Variants in MYH11 observed in about 807,000 individuals in gnomAD.
The protein encoded by MYH11 is myosin-11.
In MYH11, 80 loss-of-function variants were observed where a neutral mutation model predicts 246.6. The ratio of observed to expected loss-of-function variants is 0.32; its 90% CI spans 0.27 to 0.39. MYH11 has a LOEUF of 0.39. Ranked by LOEUF, MYH11 falls within the 10% of genes least tolerant of loss-of-function variation. The pLI is 1.00. For synonymous variants in MYH11, 1,071 were observed against 1,015.5 expected (o/e 1.05, Z -1.04); for missense variants, 2,158 against 2,546.8 (o/e 0.85, Z 3.29).
chr16:15,829,250 C>T (rs991405699), intron 2 of MYH11, among the ~76,000 whole-genome samples: 1 of 152,072 alleles, frequency 6.6e-6, no homozygotes, highest in Non-Finnish European at 1.5e-5. Context: ...TTTTCAACTC[C>T]ATCACTAGCT....
intron 3 of MYH11, among the ~76,000 whole-genome samples, chr16:15,821,438 T>C (rs1323739973): frequency 6.6e-6 from 1 of 152,216 alleles, no homozygotes; most frequent in Non-Finnish European, 1.5e-5. Flanking sequence ...CTTAAATATA[T>C]GTTTAAGTTT....
chr16:15,784,288 G>A (rs1048317696), intron 5 of MYH11, among the ~76,000 whole-genome samples: 7 of 152,104 alleles, frequency 4.6e-5, no homozygotes, highest in Non-Finnish European at 8.8e-5. Context: ...CTGTGCCATC[G>A]ACTGTCCATC....
intron 1 of MYH11, among the ~76,000 whole-genome samples, chr16:15,854,290 C>T (rs746323909): frequency 6.6e-6 from 1 of 152,176 alleles, no homozygotes; most frequent in Non-Finnish European, 1.5e-5. Flanking sequence ...GTTGTGTTTG[C>T]TATAAATAAC....
At position 15,726,943 on chromosome 16, in the gene MYH11, T is replaced by C. The variant is rs537132043; in HGVS notation, c.3763A>G (p.Lys1255Glu). Residue 1255 changes from lysine (K) to glutamate (E), a missense_variant, in exon 28 of 41, where the codon AAG (lysine) becomes GAG (glutamate). Physicochemically the swap from Lys to Glu is moderately conservative, Grantham distance 56. This residue lies in a region of MYH11 where 1,013 missense variants were observed against 993.5 expected (regional missense o/e 1.02). Transcript: ENST00000300036. Reference sequence around the variant, plus strand: ...TCCTGCACCTGCGCCTCCAGCTTCTTCTTCTTATGTTCCACCTCCTGCTTG... The same window carrying C: ...TCCTGCACCTGCGCCTCCAGCTTCTCCTTCTTATGTTCCACCTCCTGCTTG... Reference protein sequence around the residue: ...QAKQEVEHKKKKLEAQVQELQ... With the variant: ...QAKQEVEHKKEKLEAQVQELQ... 2.5e-6 allele frequency: 4 copies of C among 1,613,366 alleles called. No individual in the cohort carries two copies. The South Asian group carries it at 4.4e-5, about 18-fold the overall frequency.
intron 4 of MYH11, among the ~76,000 whole-genome samples, chr16:15,789,297 G>A (rs968305662): frequency 6.6e-6 from 1 of 152,178 alleles, no homozygotes; most frequent in Non-Finnish European, 1.5e-5. Context: ...GGCAGGGGAA[G>A]GGGAATTGAT....
At position 15,795,901 on chromosome 16, in the gene MYH11, G is replaced by A. The variant is rs117453584; in HGVS notation, c.530+2759C>T. ...ATACAACTAACTAGACGATGATGGG[G>A]CCAGAATTCAAACCCAAGGGGTTAG... On this transcript the variant is annotated intron_variant, in intron 4 of 40. Transcript: ENST00000300036. Among the ~76,000 whole-genome samples the A allele has an allele frequency of 5.9e-5, 9 of 152,294 alleles. No homozygotes were observed. The East Asian group carries it at 1.7e-3, about 29-fold the overall frequency.
At chr16:15,752,614 C>T (rs1014227849) in intron 15 of MYH11, among the ~76,000 whole-genome samples, 2 of 152,330 alleles carry the variant, frequency 1.3e-5, no homozygotes, top group East Asian at 1.9e-4. Flanking sequence ...TGCAGTGGCT[C>T]ACACCTGTAA....
At chr16:15,799,391 C>A (rs1268751827) in intron 3 of MYH11, among the ~76,000 whole-genome samples, 2 of 152,132 alleles carry the variant, frequency 1.3e-5, no homozygotes, top group Non-Finnish European at 2.9e-5. Flanking sequence ...GCCCCTGGGC[C>A]CAAGCAGCCC....
At chr16:15,720,805 A>T in intron 33 of MYH11, 34 bp downstream of exon 33, 7 of 1,594,894 alleles carry the variant, frequency 4.4e-6, no homozygotes, top group Non-Finnish European at 6.0e-6. Context: ...AGGCCACCCG[A>T]CCTCCCTCTG....
chr16:15,737,531 T>C lies in MYH11; in HGVS notation c.3211A>G (p.Ile1071Val). The C allele has an allele frequency of 6.2e-7, 1 of 1,614,050 alleles. No individual in the cohort carries two copies. Among genetic ancestry groups the C allele is most frequent in the Non-Finnish European group, 8.5e-7 (1 of 1,180,030 alleles). ...GCGATCTGCGCCTGGAGGTCAGCGA[T>C]CTGCTCGTGGAAGTCGCTGGCATCA... is the stretch of plus-strand genomic sequence containing the variant. ...EGDASDFHEQ[I>V]ADLQAQIAEL... Residue 1071 changes from isoleucine (I) to valine (V), a missense_variant, in exon 25 of 41, where the codon ATC becomes GTC. By Grantham distance (29) the Ile-to-Val change is conservative. Transcript: ENST00000300036.
At chr16:15,823,016 G>A (rs780528204) in intron 3 of MYH11, among the ~76,000 whole-genome samples, 1 of 152,278 alleles carries the variant, frequency 6.6e-6, no homozygotes, top group Non-Finnish European at 1.5e-5. Context: ...CTTGGGCAGC[G>A]AGCCCCGGAG....
At chr16:15,726,375 T>C (rs889179853) in intron 28 of MYH11, 3 of 167,010 alleles carry the variant, frequency 1.8e-5, no homozygotes, top group Non-Finnish European at 2.6e-5. Context: ...TTTTCTTTTT[T>C]TTTTTTTTTC....
chr16:15,826,241 C>A (rs1478523897), intron 2 of MYH11, among the ~76,000 whole-genome samples: 1 of 152,210 alleles, frequency 6.6e-6, no homozygotes, highest in African/African-American at 2.4e-5. Flanking sequence ...TAAAAAAACA[C>A]AGGATCCCAG....
chr16:15,851,981 A>G (rs771182926), intron 1 of MYH11, among the ~76,000 whole-genome samples: 44 of 152,104 alleles, frequency 2.9e-4, no homozygotes, highest in Non-Finnish European at 2.1e-4. Context: ...GGGGTCCCCA[A>G]CCCTTGTGCT....
At chr16:15,788,243 C>T (rs908028288) in intron 4 of MYH11, among the ~76,000 whole-genome samples, 1 of 151,600 alleles carries the variant, frequency 6.6e-6, no homozygotes, top group Non-Finnish European at 1.5e-5. Flanking sequence ...ACTTGTTTAT[C>T]GTCTTCTTCT....
chr16:15,791,207 C>T (rs776112422), intron 4 of MYH11: 1 of 152,204 alleles, frequency 6.6e-6, no homozygotes, highest in African/African-American at 2.4e-5. Flanking sequence ...CTGCCCGCCT[C>T]AGCCTCCCAA....
chr16:15,804,657 C>T (rs545390211), intron 3 of MYH11, among the ~76,000 whole-genome samples: 12 of 152,276 alleles, frequency 7.9e-5, no homozygotes, highest in Admixed American at 5.9e-4. Flanking sequence ...ACCCTCTACC[C>T]GTTAAGCAGC....
chr16:15,755,112 C>T (rs767846755), intron 14 of MYH11, among the ~76,000 whole-genome samples: 1 of 152,196 alleles, frequency 6.6e-6, no homozygotes, highest in African/African-American at 2.4e-5. Flanking sequence ...AGCTGTGGGC[C>T]AGATCGGACT....
intron 40 of MYH11, chr16:15,714,618 G>T: frequency 1.8e-6 from 1 of 551,244 alleles, no homozygotes; most frequent in Non-Finnish European, 3.3e-6. Flanking sequence ...AGGGGCTGGA[G>T]GAGACAGTGG....
Sources: gnomAD v4.1 joint callset for allele counts (sites outside exome capture counted in the v4.1 genomes callset) on GRCh38, gnomAD v4.1.1 for gene constraint, gnomAD v4.1.1 regional missense constraint, MANE v1.5 for transcripts, NCBI Gene and HGNC (gene_info 2026-07-23, HGNC 2026-07-21) for gene names.